The following ANXA3 variants were observed in gnomAD, a reference collection of about 807,000 sequenced individuals.
ANXA3 encodes the protein 35-alpha calcimedin.
Under a neutral mutation model 48.8 loss-of-function variants are expected in ANXA3, and 46 were observed. That is an observed-to-expected ratio of 0.94 (90% confidence interval 0.74 to 1.21). ANXA3 has a LOEUF of 1.21. Among genes scored for constraint, ANXA3 ranks in the 50% most tolerant of loss-of-function variants. The pLI, the probability that ANXA3 is intolerant of heterozygous loss-of-function variation, is 0.00. For synonymous variants in ANXA3, 128 were observed against 134.7 expected, an observed-to-expected ratio of 0.95 and a Z score of 0.35; for missense variants, 383 against 378.6, an observed-to-expected ratio of 1.01 and a Z score of -0.10.
At chr4:78,564,379 A>T (rs1329040257) in intron 2 of ANXA3, among the ~76,000 whole-genome samples, 1 of 152,194 alleles carries the variant, frequency 6.6e-6, no homozygotes, top group Non-Finnish European at 1.5e-5. Flanking sequence ...GAAGCAACTC[A>T]TCGGGCAGCC....
chr4:78,605,363 A>G (rs7672903), intron 12 of ANXA3, among the ~76,000 whole-genome samples: 16,869 of 152,182 alleles, frequency 0.11, 1,580 homozygotes, highest in East Asian at 0.29. Flanking sequence ...TAGTATAAGT[A>G]AGGCTGAATA....
intron 6 of ANXA3, among the ~76,000 whole-genome samples, chr4:78,590,139 T>TA (rs1723258920): frequency 6.6e-6 from 1 of 152,170 alleles, no homozygotes; most frequent in African/African-American, 2.4e-5. Flanking sequence ...AATTACAAAA[T>TA]ACTTCCCCAA....
chr4:78,582,621 C>T (rs892575030), intron 5 of ANXA3, among the ~76,000 whole-genome samples: 2 of 152,170 alleles, frequency 1.3e-5, no homozygotes, highest in Non-Finnish European at 2.9e-5. Context: ...TTCTCTTACC[C>T]TTCCAAGCTC....
intron 2 of ANXA3, among the ~76,000 whole-genome samples, chr4:78,555,258 G>C (rs1279838466): frequency 6.6e-6 from 1 of 152,118 alleles, no homozygotes; most frequent in African/African-American, 2.4e-5. Context: ...TATTCTTGGA[G>C]TGGGGAAGAT....
chr4:78,595,964 A>G (rs1723416985), intron 9 of ANXA3, 77 bp downstream of exon 9: 2 of 968,004 alleles, frequency 2.1e-6, no homozygotes, highest in Non-Finnish European at 3.2e-6. Context: ...ACAAAGATCT[A>G]GAAAAACGAA....
At chr4:78,564,528 A>G (rs1722690732) in intron 2 of ANXA3, among the ~76,000 whole-genome samples, 1 of 152,214 alleles carries the variant, frequency 6.6e-6, no homozygotes, top group African/African-American at 2.4e-5. Context: ...TCCCAGCTGG[A>G]TAAATAGGAA....
chr4:78,593,481 C>G (rs1001437762), intron 7 of ANXA3, among the ~76,000 whole-genome samples: 1 of 150,978 alleles, frequency 6.6e-6, no homozygotes, highest in Non-Finnish European at 1.5e-5. Context: ...GGATTACAGG[C>G]GTGAGCCACT....
intron 1 of ANXA3, chr4:78,552,171 T>C: frequency 6.6e-6 from 1 of 152,348 alleles, no homozygotes; most frequent in East Asian, 1.9e-4. Context: ...CCCTGAAAGC[T>C]TCGCTTATTA....
chr4:78,595,273 C>T (rs72659073), intron 7 of ANXA3, 108 bp from the exon 8 acceptor site: 2 of 1,186,194 alleles, frequency 1.7e-6, no homozygotes, highest in Non-Finnish European at 1.2e-6. Context: ...TCTGTGCAAC[C>T]TGTCCTGCCT....
Position 78,585,013 on chromosome 4 carries a change from G to A in ANXA3, c.313-1247G>A, listed in dbSNP as rs935478638. Among the ~76,000 whole-genome samples, 7 of 152,364 alleles carry A rather than the reference G, an allele frequency of 4.6e-5. No individual in the cohort carries two copies. The South Asian group carries it at 1.0e-3, about 23-fold the overall frequency. On this transcript the variant is annotated intron_variant, in intron 5 of 12. Transcript: ENST00000264908. ...GAGTTCTGTGTTGGGCGCAAGTCCA[G>A]TACCCCTGTTGTTTACAGTCATTGA...
At chr4:78,562,695 G>C (rs1048414064) in intron 2 of ANXA3, among the ~76,000 whole-genome samples, 1 of 152,206 alleles carries the variant, frequency 6.6e-6, no homozygotes, top group Non-Finnish European at 1.5e-5. Flanking sequence ...AGGGAAGACA[G>C]ACAATAAATG....
intron 3 of ANXA3, among the ~76,000 whole-genome samples, chr4:78,575,938 G>C (rs970634733): frequency 5.3e-5 from 8 of 151,980 alleles, no homozygotes; most frequent in African/African-American, 9.7e-5. Context: ...ATTTCATGTG[G>C]ACATTTAATT....
At chr4:78,559,325 CA>C (rs1358048835) in intron 2 of ANXA3, among the ~76,000 whole-genome samples, 1 of 152,200 alleles carries the variant, frequency 6.6e-6, no homozygotes, top group African/African-American at 2.4e-5. Flanking sequence ...TCAGCTGATC[CA>C]CCCACATTGG....
Position 78,554,523 on chromosome 4 carries a change from A to G in ANXA3, c.15+35A>G, listed in dbSNP as rs199772855. ...AATTAAGCCTTCACAACACAGTAAC[A>G]TATATGAGTCAAACCAAAACACAGA... On this transcript the variant is annotated intron_variant, in intron 2 of 12. Transcript: ENST00000264908. 8 of 1,604,784 alleles carry G rather than the reference A, an allele frequency of 5.0e-6. 1 individual carries two copies. In the South Asian group the frequency reaches 5.5e-5, roughly 11 times the overall value.
chr4:78,557,785 A>G (rs957682836), intron 2 of ANXA3, among the ~76,000 whole-genome samples: 1 of 151,906 alleles, frequency 6.6e-6, no homozygotes, highest in Non-Finnish European at 1.5e-5. Flanking sequence ...GGAACAACTC[A>G]GAACTGCTAT....
chr4:78,569,607 A>T (rs765532926), intron 2 of ANXA3, among the ~76,000 whole-genome samples: 1 of 152,226 alleles, frequency 6.6e-6, no homozygotes, highest in Non-Finnish European at 1.5e-5. Flanking sequence ...TACTAGAATC[A>T]CCTGGAAGGT....
chr4:78,604,327 A>G lies in ANXA3; in HGVS notation c.840A>G (p.Ser280=), dbSNP rs375614744. The G allele has an allele frequency of 4.3e-5, 69 of 1,613,538 alleles. No homozygotes were observed. In the East Asian group the frequency reaches 5.6e-4, roughly 13 times the overall value. Residue 280 remains serine, a synonymous_variant, in exon 12 of 13, where the codon TCA becomes TCG. Transcript: ENST00000264908. ...FTLNRIMVSR[S]EIDLLDIRTE... ...TGAACCGAATAATGGTGTCCAGATC[A>G]GAAATTGACCTTTTGGACATTCGAA...
intron 7 of ANXA3, among the ~76,000 whole-genome samples, chr4:78,592,862 C>T (rs141736664): frequency 1.8e-3 from 281 of 151,966 alleles, no homozygotes; most frequent in Middle Eastern, 6.8e-3. Flanking sequence ...TTGGAGCGAG[C>T]GTAAGTGAAA....
At chr4:78,577,846 A>G (rs559025736) in intron 3 of ANXA3, among the ~76,000 whole-genome samples, 1 of 152,284 alleles carries the variant, frequency 6.6e-6, no homozygotes, top group African/African-American at 2.4e-5. Flanking sequence ...TTAATTAGAC[A>G]CAACTTTCCA....
Sources: gnomAD v4.1 joint callset for allele counts (sites outside exome capture counted in the v4.1 genomes callset) on GRCh38, gnomAD v4.1.1 for gene constraint, MANE v1.5 for transcripts, NCBI Gene and HGNC (gene_info 2026-07-23, HGNC 2026-07-21) for gene names.